Variants in EFNA5 observed in about 807,000 individuals in gnomAD.
EFNA5 encodes ephrin A5.
A neutral mutation model predicts 22.9 loss-of-function variants in EFNA5; 5 were observed. That is an observed-to-expected ratio of 0.22 (90% CI 0.11 to 0.46). The LOEUF is 0.46. Among genes scored for constraint, EFNA5 ranks in the 20% least tolerant of loss-of-function variants. The probability of loss-of-function intolerance (pLI) is 0.99; values close to 1 mark genes in which losing one functional copy is unlikely to be tolerated. For missense variants in EFNA5, 237 were observed against 293.3 expected, an observed-to-expected ratio of 0.81 and a Z score of 1.40; for synonymous variants, 113 against 112.2, an observed-to-expected ratio of 1.01 and a Z score of -0.04.
intron 2 of EFNA5, among the ~76,000 whole-genome samples, chr5:107,395,970 T>G (rs1359112650): frequency 6.6e-6 from 1 of 152,206 alleles, no homozygotes; most frequent in Non-Finnish European, 1.5e-5. Flanking sequence ...CCTATGAGGG[T>G]GGCTGTTAAC....
chr5:107,550,774 G>A (rs1748277059), intron 1 of EFNA5, among the ~76,000 whole-genome samples: 1 of 152,144 alleles, frequency 6.6e-6, no homozygotes, highest in South Asian at 2.1e-4. Flanking sequence ...TCTGCAATGT[G>A]ACTTCTAGAA....
chr5:107,543,230 C>T (rs1040794697), intron 1 of EFNA5, among the ~76,000 whole-genome samples: 6 of 152,128 alleles, frequency 3.9e-5, no homozygotes, highest in African/African-American at 1.2e-4. Flanking sequence ...ATTCATCCAT[C>T]AGTGAGAAAA....
intron 1 of EFNA5, among the ~76,000 whole-genome samples, chr5:107,636,271 C>T (rs1393207039): frequency 6.6e-6 from 1 of 152,150 alleles, no homozygotes; most frequent in Non-Finnish European, 1.5e-5. Context: ...GTCCTTGAAT[C>T]AAGATGCATA....
At chr5:107,545,939 A>G (rs569512206) in intron 1 of EFNA5, among the ~76,000 whole-genome samples, 2 of 152,132 alleles carry the variant, frequency 1.3e-5, no homozygotes, top group Non-Finnish European at 2.9e-5. Flanking sequence ...AACAGAGCAA[A>G]TGACACTTCT....
At chr5:107,467,245 T>C (rs987245996) in intron 1 of EFNA5, among the ~76,000 whole-genome samples, 1 of 152,148 alleles carries the variant, frequency 6.6e-6, no homozygotes, top group African/African-American at 2.4e-5. Context: ...TGAGGAGAAC[T>C]ACAGGTGATA....
intron 1 of EFNA5, among the ~76,000 whole-genome samples, chr5:107,570,093 G>A (rs1183426535): frequency 2.0e-5 from 3 of 152,094 alleles, no homozygotes; most frequent in Non-Finnish European, 4.4e-5. Context: ...CAAACTCTGA[G>A]GAGAGACCTA....
chr5:107,617,022 C>T (rs1214863972), intron 1 of EFNA5, among the ~76,000 whole-genome samples: 3 of 151,984 alleles, frequency 2.0e-5, no homozygotes, highest in African/African-American at 7.3e-5. Context: ...CTCTGACCCA[C>T]CCTTAATGTA....
chr5:107,478,615 T>C (rs1284973981), intron 1 of EFNA5, among the ~76,000 whole-genome samples: 6 of 152,072 alleles, frequency 3.9e-5, no homozygotes, highest in East Asian at 1.9e-4. Context: ...AGCATGAAAG[T>C]TGAAAACTTC....
intron 1 of EFNA5, among the ~76,000 whole-genome samples, chr5:107,669,609 G>A (rs1222435464): frequency 6.6e-6 from 1 of 151,740 alleles, no homozygotes; most frequent in Non-Finnish European, 1.5e-5. Flanking sequence ...CACTAGGACC[G>A]CCCCCGGCGC....
At chr5:107,503,082 C>G (rs889526770) in intron 1 of EFNA5, among the ~76,000 whole-genome samples, 8 of 152,142 alleles carry the variant, frequency 5.3e-5, no homozygotes, top group African/African-American at 1.7e-4. Context: ...AAATGCATCA[C>G]AGCATGTTGG....
chr5:107,638,580 T>G (rs946317404), intron 1 of EFNA5, among the ~76,000 whole-genome samples: 1 of 152,198 alleles, frequency 6.6e-6, no homozygotes, highest in Non-Finnish European at 1.5e-5. Flanking sequence ...ATGACAACTA[T>G]TTACATAGCA....
At chr5:107,661,872 C>G (rs565974750) in intron 1 of EFNA5, among the ~76,000 whole-genome samples, 1 of 152,126 alleles carries the variant, frequency 6.6e-6, no homozygotes, top group Non-Finnish European at 1.5e-5. Context: ...AATTATCCAA[C>G]CTAACTATGC....
At chr5:107,603,678 A>C (rs534990575) in intron 1 of EFNA5, among the ~76,000 whole-genome samples, 1 of 152,208 alleles carries the variant, frequency 6.6e-6, no homozygotes, top group East Asian at 1.9e-4. Context: ...ACGTTTACTG[A>C]GAGCAAAGAA....
At chr5:107,409,434 T>C (rs922697504) in intron 2 of EFNA5, among the ~76,000 whole-genome samples, 1 of 152,172 alleles carries the variant, frequency 6.6e-6, no homozygotes, top group African/African-American at 2.4e-5. Context: ...GATAATGCCT[T>C]CTGTCCCAAA....
At chr5:107,510,758 G>A (rs1200172346) in intron 1 of EFNA5, among the ~76,000 whole-genome samples, 5 of 152,112 alleles carry the variant, frequency 3.3e-5, no homozygotes, top group East Asian at 1.9e-4. Context: ...AAACCTCCTG[G>A]ATGCAAGTTT....
intron 1 of EFNA5, among the ~76,000 whole-genome samples, chr5:107,480,448 A>T (rs1750427658): frequency 6.6e-6 from 1 of 152,230 alleles, no homozygotes; most frequent in Non-Finnish European, 1.5e-5. Context: ...CAACTATAAT[A>T]TCTGGTAGAG....
intron 2 of EFNA5, among the ~76,000 whole-genome samples, chr5:107,395,034 CTTTT>C (rs58619326): frequency 2.3e-4 from 20 of 86,136 alleles, no homozygotes; most frequent in African/African-American, 3.0e-4. Flanking sequence ...ATTTCTAGTT[CTTTT>C]TTTTTTTTTT....
intron 1 of EFNA5, among the ~76,000 whole-genome samples, chr5:107,590,809 A>C (rs1245942321): frequency 6.6e-6 from 1 of 152,182 alleles, no homozygotes; most frequent in African/African-American, 2.4e-5. Context: ...TGCTTTCAGA[A>C]ATTGTTTTGA....
chr5:107,518,313 T>C lies in EFNA5; in HGVS notation c.126-90804A>G, dbSNP rs368857798. Among the ~76,000 whole-genome samples, 51 of 150,558 alleles carry C rather than the reference T, an allele frequency of 3.4e-4. 2 individuals carry two copies. Among genetic ancestry groups the C allele is most frequent in the African/African-American group, 1.2e-3 (50 of 40,918 alleles). ...AGTGAATAAAAAGCCATTGCAGACA[T>C]CGGTCCCTTGTTTACTAGGCTTGCT... On this transcript the variant is annotated intron_variant, in intron 1 of 4. Transcript: ENST00000333274.
Sources: gnomAD v4.1 joint callset for allele counts (sites outside exome capture counted in the v4.1 genomes callset) on GRCh38, gnomAD v4.1.1 for gene constraint, MANE v1.5 for transcripts, NCBI Gene and HGNC (gene_info 2026-07-23, HGNC 2026-07-21) for gene names.